The following FAM20A variants were observed in gnomAD, a reference collection of about 807,000 sequenced individuals.
FAM20A encodes FAM20A golgi associated secretory pathway pseudokinase.
In FAM20A, 42 loss-of-function variants were observed where a neutral mutation model predicts 52.0. That is an observed-to-expected ratio of 0.81 (90% CI 0.63 to 1.04). The LOEUF (loss-of-function observed/expected upper bound fraction) is 1.04, where lower values mean the gene tolerates loss of function less well. FAM20A is among the 50% of genes least tolerant of loss of function. FAM20A has a pLI of 0.00. For missense variants in FAM20A, 742 were observed against 712.7 expected (o/e 1.04, Z -0.47); for synonymous variants, 304 against 298.9 (o/e 1.02, Z -0.18).
intron 1 of FAM20A, among the ~76,000 whole-genome samples, chr17:68,577,432 C>T (rs575064092): frequency 3.9e-5 from 6 of 152,344 alleles, no homozygotes; most frequent in South Asian, 2.1e-4. Flanking sequence ...ACCAGTGGTT[C>T]GCCACTGGGG....
At chr17:68,585,673 G>A (rs1003270804) in intron 1 of FAM20A, among the ~76,000 whole-genome samples, 3 of 152,202 alleles carry the variant, frequency 2.0e-5, no homozygotes, top group Non-Finnish European at 2.9e-5. Flanking sequence ...CAAAGAATGT[G>A]CCTGCTGCCC....
chr17:68,579,330 T>C (rs943327724), intron 1 of FAM20A, among the ~76,000 whole-genome samples: 1 of 152,050 alleles, frequency 6.6e-6, no homozygotes, highest in Non-Finnish European at 1.5e-5. Flanking sequence ...GACCAGGTGA[T>C]GGAACATGGA....
At chr17:68,557,200 T>TA (rs35938940) in intron 1 of FAM20A, among the ~76,000 whole-genome samples, 25,013 of 146,378 alleles carry the variant, frequency 0.17, 2,060 homozygotes, top group South Asian at 0.18. Flanking sequence ...ACTCTGACTT[T>TA]AAAAAAAAAA....
intron 1 of FAM20A, among the ~76,000 whole-genome samples, chr17:68,594,910 C>T (rs1011036746): frequency 1.2e-4 from 19 of 152,186 alleles, no homozygotes; most frequent in African/African-American, 4.3e-4. Context: ...GTAACTGGTA[C>T]GGGGCCTTAA....
At chr17:68,563,739 C>T (rs923353025) in intron 1 of FAM20A, among the ~76,000 whole-genome samples, 2 of 152,170 alleles carry the variant, frequency 1.3e-5, no homozygotes, top group East Asian at 3.9e-4. Flanking sequence ...CTTTAAATCT[C>T]CCTAAATCTT....
rs201768343 is a variant in FAM20A at position 68,554,757 on chromosome 17, G to A, written c.640+20C>T. The A allele has an allele frequency of 6.2e-7, 1 of 1,613,040 alleles. No homozygotes were observed. The highest frequency in any genetic ancestry group is 2.2e-5 in the East Asian group (1 of 44,846). ...TGTGAGGGTGAAGAGGCTGGGTGGG[G>A]GTGGGGCTAGGTCACTTACTCTGGG... On this transcript the variant is annotated intron_variant, in intron 3 of 10. Coordinates refer to ENST00000592554, the MANE Select transcript of FAM20A (RefSeq NM_017565.4).
intron 4 of FAM20A, among the ~76,000 whole-genome samples, chr17:68,550,761 T>G (rs1000570912): frequency 2.0e-5 from 3 of 152,208 alleles, no homozygotes; most frequent in Non-Finnish European, 4.4e-5. Context: ...GCTAGTCCAC[T>G]GGACTCCCTG....
rs2086100239 is a variant in FAM20A, at chr17:68,536,501, C to T, written c.*976G>A. Reference sequence around the variant, plus strand: ...TTCTAAGGGAGGCTTCAATAAAAAACCTGACTTAGTCTTTTTTGAGCCAGC... The same window carrying T: ...TTCTAAGGGAGGCTTCAATAAAAAATCTGACTTAGTCTTTTTTGAGCCAGC... On this transcript the variant is annotated 3_prime_UTR_variant, in exon 11 of 11. Coordinates refer to ENST00000592554, the MANE Select transcript of FAM20A (RefSeq NM_017565.4). The T allele has an allele frequency of 2.2e-6, 1 of 454,012 alleles. No homozygotes were observed. Among genetic ancestry groups the T allele is most frequent in the African/African-American group, 2.0e-5 (1 of 50,014 alleles). 28.1% of individuals were successfully genotyped at this position (454,012 alleles called of 1,614,324 possible). A position where few individuals can be genotyped will look rare whatever the true frequency, so the allele number is the denominator to read the frequency against.
chr17:68,571,833 GAATACAA>G (rs1568761650), intron 1 of FAM20A, among the ~76,000 whole-genome samples: 1 of 151,136 alleles, frequency 6.6e-6, no homozygotes, highest in African/African-American at 2.4e-5. Context: ...ACAAAATTAC[GAATACAA>G]AACCAGGTAT....
At chr17:68,559,989 A>G (rs2087164508) in intron 1 of FAM20A, among the ~76,000 whole-genome samples, 1 of 152,170 alleles carries the variant, frequency 6.6e-6, no homozygotes, top group Non-Finnish European at 1.5e-5. Flanking sequence ...CCCTAAATTC[A>G]TATGTTGAAA....
intron 1 of FAM20A, among the ~76,000 whole-genome samples, chr17:68,597,364 T>A (rs2088482828): frequency 6.6e-6 from 1 of 151,842 alleles, no homozygotes; most frequent in Non-Finnish European, 1.5e-5. Context: ...GGACTTCATG[T>A]TAGGTATTGG....
chr17:68,585,030 T>TG (rs1568778814), intron 1 of FAM20A, among the ~76,000 whole-genome samples: 1 of 152,228 alleles, frequency 6.6e-6, no homozygotes, highest in Admixed American at 6.5e-5. Context: ...TACAGTCTCT[T>TG]GGAGTATTTT....
intron 1 of FAM20A, among the ~76,000 whole-genome samples, chr17:68,571,997 TATATATATA>T (rs2087559784): frequency 3.8e-5 from 1 of 26,412 alleles, no homozygotes; most frequent in African/African-American, 2.4e-4. Context: ...CATATATATA[TATATATATA>T]TATATATATA....
At chr17:68,586,703 A>C (rs893447041) in intron 1 of FAM20A, among the ~76,000 whole-genome samples, 1 of 152,210 alleles carries the variant, frequency 6.6e-6, no homozygotes, top group Non-Finnish European at 1.5e-5. Context: ...TGGCACCTTC[A>C]TTTCAGATTT....
intron 1 of FAM20A, among the ~76,000 whole-genome samples, chr17:68,563,055 C>G (rs368580688): frequency 5.9e-5 from 9 of 152,196 alleles, no homozygotes; most frequent in East Asian, 3.9e-4. Context: ...TCCCTTTCCT[C>G]CAGCTGGTTA....
chr17:68,600,325 G>A lies in FAM20A; in HGVS notation c.342C>T (p.Asp114=), dbSNP rs778101746. The change falls in exon 1 of 11, where the codon GAC becomes GAT. Residue 114 remains aspartate (D), a synonymous_variant. Coordinates refer to ENST00000592554, the MANE Select transcript of FAM20A (RefSeq NM_017565.4). This position sits in a 1 kb window ranked among gnomAD's most constrained non-coding sequence, Gnocchi z 6.2. ...PEEPPLLGAE[D]SLLASQEALR... The stretch of plus-strand genomic sequence containing the variant: ...GCGCCTCCTGGCTGGCCAGGAGCGA[G>A]TCCTCGGCTCCCAGGAGAGGCGGCT... 55 of 1,593,452 alleles carry A rather than the reference G, an allele frequency of 3.5e-5. No homozygotes were observed. Among genetic ancestry groups the A allele is most frequent in the Non-Finnish European group, 4.4e-5 (52 of 1,170,492 alleles).
Position 68,537,672 on chromosome 17 carries a change from C to A in FAM20A, c.1431G>T (p.Met477Ile), listed in dbSNP as rs754152049. ...AQADYRLSDV[M>I]RESLLEDQLS... Reference sequence around the variant, plus strand: ...GCTGGTCTTCCAGCAGTGATTCTCGCATCACATCGCTGAGTCTGTAGTCAG... The same window carrying A: ...GCTGGTCTTCCAGCAGTGATTCTCGAATCACATCGCTGAGTCTGTAGTCAG... Residue 477 changes from methionine (M) to isoleucine (I), a missense_variant, in exon 11 of 11, where the codon ATG (methionine) becomes ATT (isoleucine). Transcript: ENST00000592554. This position sits in a 1 kb window ranked among gnomAD's most constrained non-coding sequence, Gnocchi z 4.2. 2 of 1,613,772 alleles carry A rather than the reference C, an allele frequency of 1.2e-6. No individual in the cohort carries two copies. The highest frequency in any genetic ancestry group is 1.7e-6 in the Non-Finnish European group (2 of 1,179,856).
chr17:68,573,948 G>T (rs2143813963), intron 1 of FAM20A, among the ~76,000 whole-genome samples: 1 of 152,154 alleles, frequency 6.6e-6, no homozygotes, highest in East Asian at 1.9e-4. Flanking sequence ...AAAGTGCTAG[G>T]ATTACAGGTG....
In FAM20A at chr17:68,540,078, G is replaced by C. The variant is rs2286558; in HGVS notation, c.1220-112C>G. 620,580 of 891,128 alleles carry C rather than the reference G, an allele frequency of 0.7. 218,925 individuals carry two copies. The highest frequency in any genetic ancestry group is 0.92 in the East Asian group (36,362 of 39,368). The allele number at this position is 891,128 out of a possible 1,614,324, so 55.2% of individuals were successfully genotyped here. A position where few individuals can be genotyped will look rare whatever the true frequency, so the allele number is the denominator to read the frequency against. Reference sequence around the variant, plus strand: ...CTGTCATCACTTGAGAGACAGGGGTGTGAACGAAGCTGGGCCTCACACTGT... The same window carrying C: ...CTGTCATCACTTGAGAGACAGGGGTCTGAACGAAGCTGGGCCTCACACTGT... On this transcript the variant is annotated intron_variant, in intron 8 of 10. Transcript: ENST00000592554.
Sources: gnomAD v4.1 joint callset for allele counts (sites outside exome capture counted in the v4.1 genomes callset) on GRCh38, gnomAD v4.1.1 for gene constraint, Gnocchi (gnomAD v3.1) non-coding constraint, MANE v1.5 for transcripts, NCBI Gene and HGNC (gene_info 2026-07-23, HGNC 2026-07-21) for gene names.